Variants in SLC39A8 observed in about 807,000 individuals in gnomAD.
The protein encoded by SLC39A8 is solute carrier family 39 member 8, also known as metal cation symporter ZIP8.
SLC39A8 carries 15 observed loss-of-function variants against 40.4 expected under a neutral mutation model. The ratio of observed to expected loss-of-function variants is 0.37; its 90% confidence interval spans 0.25 to 0.57. SLC39A8 has a LOEUF of 0.57. Among genes scored for constraint, SLC39A8 ranks in the 20% least tolerant of loss-of-function variants. The pLI, the probability that SLC39A8 is intolerant of heterozygous loss-of-function variation, is 0.75. For synonymous variants in SLC39A8, 223 were observed against 221.6 expected, an observed-to-expected ratio of 1.01 and a Z score of -0.06; for missense variants, 472 against 558.8, an observed-to-expected ratio of 0.84 and a Z score of 1.57.
At chr4:102,292,138 T>C (rs977343665) in intron 6 of SLC39A8, among the ~76,000 whole-genome samples, 1 of 151,992 alleles carries the variant, frequency 6.6e-6, no homozygotes, top group Non-Finnish European at 1.5e-5. Context: ...ATAGTGACCA[T>C]AGTTAATGAT....
intron 2 of SLC39A8, among the ~76,000 whole-genome samples, chr4:102,343,396 A>C (rs961028690): frequency 6.6e-6 from 1 of 152,248 alleles, no homozygotes; most frequent in African/African-American, 2.4e-5. Context: ...AGCAGAGTAT[A>C]ATATGCAGCA....
intron 6 of SLC39A8, among the ~76,000 whole-genome samples, chr4:102,277,167 G>A (rs1732656929): frequency 6.6e-6 from 1 of 152,010 alleles, no homozygotes. Flanking sequence ...AGAAATAAGG[G>A]GTATTCAAAT....
intron 2 of SLC39A8, among the ~76,000 whole-genome samples, chr4:102,323,925 G>A (rs563111988): frequency 9.9e-5 from 15 of 152,242 alleles, no homozygotes; most frequent in African/African-American, 3.1e-4. Flanking sequence ...TAAATTAACT[G>A]TTAAACCATA....
intron 6 of SLC39A8, among the ~76,000 whole-genome samples, chr4:102,282,955 T>C (rs1461259193): frequency 6.6e-6 from 1 of 152,136 alleles, no homozygotes; most frequent in Non-Finnish European, 1.5e-5. Context: ...CTCGATCTCT[T>C]GACCTCATGA....
chr4:102,300,405 AG>A (rs1352095489), intron 6 of SLC39A8, among the ~76,000 whole-genome samples: 6 of 152,220 alleles, frequency 3.9e-5, no homozygotes, highest in African/African-American at 1.2e-4. Flanking sequence ...ATTATTGCTT[AG>A]CTGAGTATTC....
intron 2 of SLC39A8, among the ~76,000 whole-genome samples, chr4:102,334,668 T>C (rs532537750): frequency 2.0e-5 from 3 of 152,308 alleles, no homozygotes; most frequent in African/African-American, 7.2e-5. Context: ...ATTCAGGCAC[T>C]TGGATGACAC....
intron 2 of SLC39A8, among the ~76,000 whole-genome samples, chr4:102,330,524 T>C (rs1735402872): frequency 6.6e-6 from 1 of 152,180 alleles, no homozygotes; most frequent in East Asian, 1.9e-4. Context: ...ATGGAGGCAG[T>C]AATTAATAGC....
At chr4:102,269,693 T>C (rs1429234986) in intron 6 of SLC39A8, 1 of 152,236 alleles carries the variant, frequency 6.6e-6, no homozygotes, top group Non-Finnish European at 1.5e-5. Flanking sequence ...AACAGTGCTT[T>C]ACTACTACAC....
chr4:102,318,388 G>A (rs1396912859), intron 2 of SLC39A8, among the ~76,000 whole-genome samples: 4 of 152,016 alleles, frequency 2.6e-5, no homozygotes, highest in Admixed American at 6.6e-5. Context: ...AACAGAATAC[G>A]AACAGTGCAG....
chr4:102,255,420 T>C lies in SLC39A8; in HGVS notation c.*299-1990A>G, dbSNP rs1452080172. 2.0e-5 allele frequency among the ~76,000 whole-genome samples: 3 copies of C among 152,124 alleles called. No homozygotes were observed. The East Asian group carries it at 5.8e-4, about 29-fold the overall frequency. ...AGACAACACAACTCTCTCCAATCAG[T>C]CCCCATAGCTTCTACTGTTTTCTCA... On this transcript the variant is annotated intron_variant and NMD_transcript_variant, in intron 11 of 11. Transcript: ENST00000424970.
chr4:102,315,551 A>G (rs1734615856), intron 3 of SLC39A8, 117 bp downstream of exon 3: 1 of 793,554 alleles, frequency 1.3e-6, no homozygotes, highest in Admixed American at 3.2e-5. Flanking sequence ...GTATTATTCG[A>G]AGAAGTTCTA....
intron 6 of SLC39A8, among the ~76,000 whole-genome samples, chr4:102,277,558 A>G (rs1389818212): frequency 6.6e-6 from 1 of 152,112 alleles, no homozygotes; most frequent in Non-Finnish European, 1.5e-5. Flanking sequence ...AAATGGCCAT[A>G]CAGTCCAAAT....
intron 2 of SLC39A8, among the ~76,000 whole-genome samples, chr4:102,329,208 G>C (rs1359059709): frequency 6.6e-6 from 1 of 152,104 alleles, no homozygotes; most frequent in African/African-American, 2.4e-5. Context: ...AATAAGGCTG[G>C]AGAAATATGG....
Position 102,307,613 on chromosome 4 carries a change from T to C in SLC39A8, c.383-8A>G, listed in dbSNP as rs756062682. 2.5e-6 allele frequency: 4 copies of C among 1,610,890 alleles called. No individual in the cohort carries two copies. The Admixed American group carries it at 5.0e-5, about 20-fold the overall frequency. On this transcript the variant is annotated splice_region_variant and splice_polypyrimidine_tract_variant and intron_variant, in intron 3 of 8. Coordinates refer to ENST00000356736, the MANE Select transcript of SLC39A8 (RefSeq NM_001135146.2). Reference sequence around the variant, plus strand: ...GGAATCCATATCCCCAAACTGTGGGTCAGAGGGAAAAGAGAGTAGAAATTA... The same window carrying C: ...GGAATCCATATCCCCAAACTGTGGGCCAGAGGGAAAAGAGAGTAGAAATTA...
chr4:102,296,493 T>A (rs1399183693), intron 6 of SLC39A8, among the ~76,000 whole-genome samples: 1 of 152,108 alleles, frequency 6.6e-6, no homozygotes, highest in Admixed American at 6.6e-5. Context: ...ATCACAAGTG[T>A]ACAATGTATT....
chr4:102,320,037 C>T (rs1171123823), intron 2 of SLC39A8, among the ~76,000 whole-genome samples: 2 of 151,046 alleles, frequency 1.3e-5, no homozygotes, highest in Non-Finnish European at 2.9e-5. Context: ...CTCTGGTTCT[C>T]GGGCTTTCAG....
At chr4:102,274,831 A>C (rs1732543020) in intron 6 of SLC39A8, among the ~76,000 whole-genome samples, 1 of 152,226 alleles carries the variant, frequency 6.6e-6, no homozygotes, top group Non-Finnish European at 1.5e-5. Context: ...TTCAACCCAG[A>C]ATTTCATATT....
intron 6 of SLC39A8, among the ~76,000 whole-genome samples, chr4:102,286,502 C>T (rs1041625614): frequency 2.0e-5 from 3 of 151,942 alleles, no homozygotes; most frequent in Non-Finnish European, 4.4e-5. Flanking sequence ...TTATTGCTTT[C>T]CAGAACTTAA....
intron 3 of SLC39A8, among the ~76,000 whole-genome samples, chr4:102,309,575 T>A (rs2149036774): frequency 6.6e-6 from 1 of 152,218 alleles, no homozygotes; most frequent in African/African-American, 2.4e-5. Flanking sequence ...CTTCTATCCA[T>A]CACTAGCCTA....
Sources: gnomAD v4.1 joint callset for allele counts (sites outside exome capture counted in the v4.1 genomes callset) on GRCh38, gnomAD v4.1.1 for gene constraint, MANE v1.5 for transcripts, NCBI Gene and HGNC (gene_info 2026-07-23, HGNC 2026-07-21) for gene names.